CMTR1: variants seen among roughly 807,000 people sequenced by gnomAD.
CMTR1 encodes the protein cap-specific mRNA (nucleoside-2'-O-)-methyltransferase 1.
In CMTR1, 39 loss-of-function variants were observed where a neutral mutation model predicts 107.0. The observed-to-expected ratio is 0.36, with a 90% CI of 0.28 to 0.48. CMTR1 has a LOEUF of 0.48. Ranked by LOEUF, CMTR1 falls within the 20% of genes least tolerant of loss-of-function variation. The probability of loss-of-function intolerance (pLI) is 0.99; values close to 1 mark genes in which losing one functional copy is unlikely to be tolerated. For missense variants in CMTR1, 672 were observed against 1,064.9 expected, an observed-to-expected ratio of 0.63 and a Z score of 5.14; for synonymous variants, 366 against 379.5, an observed-to-expected ratio of 0.96 and a Z score of 0.41.
rs377330120 is a variant in CMTR1 at position 37,477,655 on chromosome 6, G to T, written c.2153+16G>T. The T allele has an allele frequency of 6.2e-7, 1 of 1,608,152 alleles. No homozygotes were observed. Among genetic ancestry groups the T allele is most frequent in the South Asian group, 1.1e-5 (1 of 90,958 alleles). On this transcript the variant is annotated intron_variant, in intron 21 of 23. Transcript: ENST00000373451. The stretch of plus-strand genomic sequence containing the variant: ...TTTTTGTCAGGTGAGTGACTTGACC[G>T]GTGAAGCTCAGATTCAAGAGGAGGT...
intron 6 of CMTR1, 50 bp from the exon 7 acceptor site, chr6:37,452,997 G>T (rs899633217): frequency 2.6e-6 from 4 of 1,559,984 alleles, no homozygotes; most frequent in African/African-American, 2.7e-5. Context: ...GGGTCTTAAG[G>T]TCCCTTTCCT....
intron 21 of CMTR1, among the ~76,000 whole-genome samples, chr6:37,478,170 CT>C (rs1761777772): frequency 1.3e-5 from 2 of 152,100 alleles, no homozygotes; most frequent in Non-Finnish European, 2.9e-5. Flanking sequence ...CCTGAAATCC[CT>C]CAAGCAGCAG....
At chr6:37,436,038 C>G (rs1232121614) in intron 2 of CMTR1, among the ~76,000 whole-genome samples, 1 of 152,194 alleles carries the variant, frequency 6.6e-6, no homozygotes, top group Non-Finnish European at 1.5e-5. Flanking sequence ...CTGCCTTAAA[C>G]CAGTTAGAAG....
chr6:37,438,100 C>T (rs1771580769), intron 2 of CMTR1, among the ~76,000 whole-genome samples: 1 of 152,136 alleles, frequency 6.6e-6, no homozygotes, highest in Admixed American at 6.5e-5. Context: ...GAAATCCAGG[C>T]TGGGCATGGC....
intron 2 of CMTR1, among the ~76,000 whole-genome samples, chr6:37,437,432 CAGG>C (rs1465201515): frequency 1.4e-5 from 2 of 144,760 alleles, no homozygotes; most frequent in Non-Finnish European, 3.0e-5. Flanking sequence ...GAGGCTGAGG[CAGG>C]AGAATGGCGT....
chr6:37,442,590 T>C (rs1363002530), intron 2 of CMTR1, among the ~76,000 whole-genome samples: 1 of 152,188 alleles, frequency 6.6e-6, no homozygotes, highest in Non-Finnish European at 1.5e-5. Flanking sequence ...AATAACTGGC[T>C]CTAAGGCAAT....
At chr6:37,432,173 T>C (rs1176012822), upstream of CMTR1, among the ~76,000 whole-genome samples, 6 of 152,148 alleles carry the variant, frequency 3.9e-5, no homozygotes, top group Non-Finnish European at 8.8e-5. Flanking sequence ...AACTAAGGGA[T>C]AGCAGTACAA....
chr6:37,468,773 C>T (rs930599981), intron 13 of CMTR1, among the ~76,000 whole-genome samples: 13 of 152,028 alleles, frequency 8.6e-5, no homozygotes, highest in African/African-American at 2.7e-4. Context: ...ATCCCAGCTA[C>T]TCGGGAGGCT....
At position 37,480,881 on chromosome 6, in the gene CMTR1, C is replaced by T; in HGVS notation, c.*736C>T. On this transcript the variant is annotated 3_prime_UTR_variant, in exon 24 of 24. Transcript: ENST00000373451. ...GTAGAGCCATCCTAGGTGCCATCCC[C>T]TTTTGGTCCAAACATTGGGCAGCGC... is the stretch of plus-strand genomic sequence containing the variant. 1 of 1,196,908 alleles carries T rather than the reference C, an allele frequency of 8.4e-7. No individual in the cohort carries two copies. The highest frequency in any genetic ancestry group is 1.1e-6 in the Non-Finnish European group (1 of 947,572). The allele number at this position is 1,196,908 out of a possible 1,614,324, so 74.1% of individuals were successfully genotyped here. A position where few individuals can be genotyped will look rare whatever the true frequency, so the allele number is the denominator to read the frequency against.
chr6:37,479,242 A>G lies in CMTR1; in HGVS notation c.2362A>G (p.Ile788Val). Residue 788 changes from isoleucine to valine, a missense_variant, in exon 23 of 24, where the codon ATT becomes GTT. Coordinates refer to ENST00000373451, the MANE Select transcript of CMTR1 (RefSeq NM_015050.3). Reference protein sequence around the residue: ...DSTFDLPADSIAPFHICYYGR... With the variant: ...DSTFDLPADSVAPFHICYYGR... ...TACTTTTGACCTCCCTGCAGACTCCATTGCCCCATTTCAGTAAGTAGCTCT... is the reference window on the plus strand; with the variant it reads ...TACTTTTGACCTCCCTGCAGACTCCGTTGCCCCATTTCAGTAAGTAGCTCT... 1 of 1,610,472 alleles carries G rather than the reference A, an allele frequency of 6.2e-7. No homozygotes were observed. The highest frequency in any genetic ancestry group is 8.5e-7 in the Non-Finnish European group (1 of 1,176,670).
At chr6:37,479,654 TAGTC>T (rs1319032155) in intron 23 of CMTR1, among the ~76,000 whole-genome samples, 8 of 152,216 alleles carry the variant, frequency 5.3e-5, no homozygotes, top group African/African-American at 1.2e-4. Context: ...CGGTGTCCAT[TAGTC>T]AGACTGTTGG....
chr6:37,451,043 C>G (rs1277174605), intron 5 of CMTR1, among the ~76,000 whole-genome samples: 1 of 151,868 alleles, frequency 6.6e-6, no homozygotes, highest in Non-Finnish European at 1.5e-5. Context: ...CAGTACCACT[C>G]TCCTCACTCA....
chr6:37,453,119 C>T lies in CMTR1; in HGVS notation c.682C>T (p.Arg228Ter). The change falls in exon 7 of 24, where the codon CGA (arginine) becomes TGA (stop). Residue 228 changes from arginine (R) to a stop codon, truncating the protein, a stop_gained. Coordinates refer to ENST00000373451, the MANE Select transcript of CMTR1 (RefSeq NM_015050.3). LOFTEE classifies it high-confidence loss of function. ...RTRANPYEMI[R>*]GVFFLNRAAM... ...TCGGGCCAATCCCTATGAGATGATC[C>T]GAGGAGTCTTCTTTCTAAACAGGTT... The T allele has an allele frequency of 1.2e-6, 2 of 1,614,084 alleles. No individual in the cohort carries two copies. Among genetic ancestry groups the T allele is most frequent in the Non-Finnish European group, 1.7e-6 (2 of 1,180,004 alleles).
intron 13 of CMTR1, among the ~76,000 whole-genome samples, chr6:37,465,746 A>T (rs577211071): frequency 6.6e-6 from 1 of 152,146 alleles, no homozygotes; most frequent in East Asian, 1.9e-4. Flanking sequence ...CTGCCCACCT[A>T]GGCCTCCCAA....
intron 12 of CMTR1, 90 bp downstream of exon 12, chr6:37,462,192 G>A: frequency 6.8e-7 from 1 of 1,472,786 alleles, no homozygotes. Context: ...GACCTCTTAA[G>A]CTACGTTTAA....
chr6:37,463,082 T>C, intron 13 of CMTR1, 74 bp downstream of exon 13: 1 of 1,450,152 alleles, frequency 6.9e-7, no homozygotes, highest in Non-Finnish European at 9.6e-7. Context: ...GACTGAATGG[T>C]TGGCTCTTGG....
chr6:37,479,085 C>G, intron 22 of CMTR1, 62 bp from the exon 23 acceptor site: 1 of 1,175,822 alleles, frequency 8.5e-7, no homozygotes, highest in South Asian at 1.2e-5. Context: ...GGAAGGTACA[C>G]GCCTGTCCTC....
At chr6:37,476,237 T>G in intron 20 of CMTR1, 43 bp downstream of exon 20, 757 of 1,480,334 alleles carry the variant, frequency 5.1e-4, no homozygotes, top group Non-Finnish European at 6.2e-4. Context: ...TTCTGGCCAG[T>G]ACCTGCTGCT....
Position 37,458,493 on chromosome 6 carries a change from TG to T in CMTR1, c.778-116del. On this transcript the variant is annotated intron_variant, in intron 8 of 23. Coordinates refer to ENST00000373451, the MANE Select transcript of CMTR1 (RefSeq NM_015050.3). The surrounding 1 kb of genome is among the most constrained non-coding windows in gnomAD (Gnocchi z 4.7). ...CATTTCCTGGGTGCTGTAGCTCTGGTGGGAGCTCTGGATTGTACTTGCCGAA... is the reference window on the plus strand; with the variant it reads ...CATTTCCTGGGTGCTGTAGCTCTGGTGGAGCTCTGGATTGTACTTGCCGAA... 1.1e-6 allele frequency: 1 copy of T among 894,738 alleles called. No individual in the cohort carries two copies. Among genetic ancestry groups the T allele is most frequent in the Non-Finnish European group, 1.7e-6 (1 of 591,846 alleles). 55.4% of individuals were successfully genotyped at this position (894,738 alleles called of 1,614,324 possible). A position where few individuals can be genotyped will look rare whatever the true frequency, so the allele number is the denominator to read the frequency against.
Sources: allele counts gnomAD v4.1 joint callset (sites outside exome capture counted in the v4.1 genomes callset), GRCh38; gene constraint gnomAD v4.1.1; non-coding constraint Gnocchi (gnomAD v3.1); transcripts MANE v1.5; gene names NCBI Gene and HGNC (gene_info 2026-07-23, HGNC 2026-07-21).